RAD51B: variants seen among roughly 807,000 people sequenced by gnomAD.
The protein encoded by RAD51B is DNA repair protein RAD51 homolog 2.
In RAD51B, 38 loss-of-function variants were observed where a neutral mutation model predicts 42.2. The observed-to-expected ratio is 0.90, with a 90% CI of 0.70 to 1.18. The LOEUF is 1.18. Ranked by LOEUF, RAD51B falls within the 50% of genes most tolerant of loss-of-function variation. RAD51B has a pLI of 0.00. For synonymous variants in RAD51B, 154 were observed against 145.2 expected (o/e 1.06, Z -0.43); for missense variants, 373 against 400.7 (o/e 0.93, Z 0.59).
intron 7 of RAD51B, among the ~76,000 whole-genome samples, chr14:68,200,721 A>T (rs1421271635): frequency 6.6e-6 from 1 of 152,126 alleles, no homozygotes; most frequent in Non-Finnish European, 1.5e-5. Flanking sequence ...TGGTGTGATC[A>T]CGGCTCACTG....
At chr14:68,558,850 A>G (rs2525502) in intron 10 of RAD51B, among the ~76,000 whole-genome samples, 143,001 of 152,234 alleles carry the variant, frequency 0.94, 67,697 homozygotes, top group Non-Finnish European at 1. Context: ...GTATCTTTTG[A>G]GGGTGACACA....
intron 7 of RAD51B, among the ~76,000 whole-genome samples, chr14:67,947,636 T>G (rs538677202): frequency 2.6e-5 from 4 of 152,332 alleles, no homozygotes; most frequent in Non-Finnish European, 5.9e-5. Flanking sequence ...AATACAGATC[T>G]TTCTTGGAAG....
chr14:68,647,700 T>TTTG (rs367641918), intron 10 of RAD51B, among the ~76,000 whole-genome samples: 28 of 151,964 alleles, frequency 1.8e-4, no homozygotes, highest in Non-Finnish European at 2.5e-4. Flanking sequence ...GACTGATTAA[T>TTTG]TTGTTGTTGT....
At chr14:68,139,129 A>T (rs1811991349) in intron 7 of RAD51B, among the ~76,000 whole-genome samples, 1 of 152,186 alleles carries the variant, frequency 6.6e-6, no homozygotes, top group Non-Finnish European at 1.5e-5. Context: ...CAGTAATTAA[A>T]GGACTTTCCT....
At chr14:68,382,295 T>G (rs1006015753) in intron 8 of RAD51B, among the ~76,000 whole-genome samples, 1 of 152,128 alleles carries the variant, frequency 6.6e-6, no homozygotes, top group Non-Finnish European at 1.5e-5. Flanking sequence ...CAAAAATGTC[T>G]CCAGACATTA....
At chr14:68,431,657 T>A (rs900562553) in intron 9 of RAD51B, among the ~76,000 whole-genome samples, 4 of 152,196 alleles carry the variant, frequency 2.6e-5, no homozygotes, top group African/African-American at 9.6e-5. Context: ...TCTTTATTAG[T>A]CTTGCTAGTG....
intron 7 of RAD51B, among the ~76,000 whole-genome samples, chr14:67,897,776 A>G (rs1010904799): frequency 2.0e-5 from 3 of 152,032 alleles, no homozygotes; most frequent in Admixed American, 6.5e-5. Flanking sequence ...CAGTCTCCCA[A>G]GTACCTGGGA....
At chr14:68,176,640 T>C (rs1254016332) in intron 7 of RAD51B, among the ~76,000 whole-genome samples, 10 of 152,200 alleles carry the variant, frequency 6.6e-5, no homozygotes, top group Non-Finnish European at 1.2e-4. Context: ...CCAGAGTTGA[T>C]GAACATTGCA....
chr14:68,303,975 GC>G (rs2081803879), intron 8 of RAD51B, among the ~76,000 whole-genome samples: 1 of 152,118 alleles, frequency 6.6e-6, no homozygotes, highest in Admixed American at 6.6e-5. Context: ...TTCAAGACCA[GC>G]CTGGACAACA....
chr14:67,959,990 C>T (rs2074628619), intron 7 of RAD51B, among the ~76,000 whole-genome samples: 1 of 151,780 alleles, frequency 6.6e-6, no homozygotes, highest in South Asian at 2.1e-4. Flanking sequence ...GAGGCTGAGG[C>T]AGGAGAATTG....
chr14:67,863,150 ATTTTTTTT>A (rs5809367), intron 4 of RAD51B, among the ~76,000 whole-genome samples: 2 of 74,032 alleles, frequency 2.7e-5, no homozygotes, highest in Non-Finnish European at 5.7e-5. Flanking sequence ...AAATATGGGA[ATTTTTTTT>A]TTTTTTTTTT....
At chr14:67,931,500 CTTTTTTTTTT>C (rs539507230) in intron 7 of RAD51B, among the ~76,000 whole-genome samples, 1 of 117,574 alleles carries the variant, frequency 8.5e-6, no homozygotes, top group African/African-American at 3.2e-5. Flanking sequence ...TCTGGGATTT[CTTTTTTTTTT>C]TTTTTTTTTG....
intron 7 of RAD51B, among the ~76,000 whole-genome samples, chr14:68,065,563 A>C (rs1267738709): frequency 6.6e-6 from 1 of 152,114 alleles, no homozygotes; most frequent in Non-Finnish European, 1.5e-5. Flanking sequence ...CTGCTCGCCT[A>C]GGGGTGGGAT....
intron 11 of RAD51B, among the ~76,000 whole-genome samples, chr14:68,672,680 C>T (rs2066712158): frequency 2.0e-5 from 3 of 152,152 alleles, no homozygotes; most frequent in Admixed American, 2.0e-4. Flanking sequence ...ATCTAGAAAG[C>T]ACTAGCCAAA....
chr14:68,322,836 G>A (rs1203910422), intron 8 of RAD51B, among the ~76,000 whole-genome samples: 1 of 152,188 alleles, frequency 6.6e-6, no homozygotes, highest in South Asian at 2.1e-4. Context: ...ACTGTGAGGT[G>A]AAAGGAGGGC....
intron 10 of RAD51B, among the ~76,000 whole-genome samples, chr14:68,564,619 G>A (rs747236172): frequency 4.6e-5 from 7 of 152,150 alleles, no homozygotes; most frequent in Non-Finnish European, 1.0e-4. Context: ...CCTTAACCCC[G>A]GGGTGGGTGG....
intron 7 of RAD51B, among the ~76,000 whole-genome samples, chr14:68,224,819 G>A (rs759673274): frequency 5.9e-5 from 9 of 151,788 alleles, no homozygotes; most frequent in South Asian, 2.1e-4. Context: ...TCAGCCTCCC[G>A]AGTAGCTGGG....
At chr14:67,869,126 T>A (rs1047924650) in intron 5 of RAD51B, among the ~76,000 whole-genome samples, 4 of 152,078 alleles carry the variant, frequency 2.6e-5, no homozygotes, top group African/African-American at 7.2e-5. Flanking sequence ...CTTCAGATGA[T>A]CAAATTACTC....
At chr14:68,584,296 G>A (rs898565979) in intron 10 of RAD51B, among the ~76,000 whole-genome samples, 9 of 151,862 alleles carry the variant, frequency 5.9e-5, no homozygotes, top group Non-Finnish European at 1.3e-4. Flanking sequence ...CGGAATCTAG[G>A]ACCTCCTTGG....
Sources: gnomAD v4.1 joint callset for allele counts (sites outside exome capture counted in the v4.1 genomes callset) on GRCh38, gnomAD v4.1.1 for gene constraint, MANE v1.5 for transcripts, NCBI Gene and HGNC (gene_info 2026-07-23, HGNC 2026-07-21) for gene names.